Variants in TMEM273 observed in about 807,000 individuals in gnomAD.
TMEM273 encodes chromosome 10 open reading frame 128.
In TMEM273, 19 loss-of-function variants were observed where a neutral mutation model predicts 17.9. The observed-to-expected ratio is 1.06, with a 90% CI of 0.74 to 1.55. The LOEUF (loss-of-function observed/expected upper bound fraction) is 1.55. Among genes scored for constraint, TMEM273 ranks in the 40% most tolerant of loss-of-function variants. The pLI, the probability that TMEM273 is intolerant of heterozygous loss-of-function variation, is 0.00. For synonymous variants in TMEM273, 66 were observed against 62.0 expected (o/e 1.07, Z -0.31); for missense variants, 194 against 155.6 (o/e 1.25, Z -1.31).
At chr10:49,164,821 T>G (rs2132132496) in intron 5 of TMEM273, among the ~76,000 whole-genome samples, 1 of 151,636 alleles carries the variant, frequency 6.6e-6, no homozygotes, top group African/African-American at 2.4e-5. Flanking sequence ...ATGCTTAGCC[T>G]GCCATAGACC....
intron 1 of TMEM273, among the ~76,000 whole-genome samples, chr10:49,187,329 C>T (rs979924790): frequency 6.6e-6 from 1 of 152,206 alleles, no homozygotes; most frequent in Non-Finnish European, 1.5e-5. Flanking sequence ...CTTTGCTCTC[C>T]CCTGCTTAGT....
At chr10:49,164,866 C>T (rs1805220734) in intron 5 of TMEM273, among the ~76,000 whole-genome samples, 1 of 152,206 alleles carries the variant, frequency 6.6e-6, no homozygotes, top group Middle Eastern at 3.4e-3. Context: ...GCAGCCACCA[C>T]CTGGGACCTG....
chr10:49,169,761 C>T (rs938289456), intron 1 of TMEM273, among the ~76,000 whole-genome samples: 6 of 152,258 alleles, frequency 3.9e-5, no homozygotes, highest in African/African-American at 7.2e-5. Flanking sequence ...AACATCGTTC[C>T]GGACATGGGG....
At chr10:49,160,289 C>A (rs569949133) in intron 6 of TMEM273, 3 of 152,116 alleles carry the variant, frequency 2.0e-5, no homozygotes, top group Non-Finnish European at 4.4e-5. Flanking sequence ...ACCAAGCAAA[C>A]GAAGCATCAC....
At chr10:49,163,374 A>G (rs1453451671) in intron 5 of TMEM273, among the ~76,000 whole-genome samples, 1 of 151,914 alleles carries the variant, frequency 6.6e-6, no homozygotes, top group Non-Finnish European at 1.5e-5. Flanking sequence ...AAATATCCCC[A>G]ATTCGACCAC....
At chr10:49,186,069 G>C (rs1473514050) in intron 1 of TMEM273, among the ~76,000 whole-genome samples, 1 of 95,010 alleles carries the variant, frequency 1.1e-5, no homozygotes, top group African/African-American at 4.2e-5. Context: ...AGAAGAAGAG[G>C]AAGAAGAAGA....
At chr10:49,161,104 C>T (rs1663479467) in intron 6 of TMEM273, 1 of 158,406 alleles carries the variant, frequency 6.3e-6, no homozygotes, top group Admixed American at 6.1e-5. Flanking sequence ...TAGGCTCATT[C>T]AATCAGGGGT....
chr10:49,168,813 A>G (rs1009297590), intron 1 of TMEM273, among the ~76,000 whole-genome samples: 3 of 152,132 alleles, frequency 2.0e-5, no homozygotes, highest in Non-Finnish European at 2.9e-5. Flanking sequence ...GACAGGAGAT[A>G]CTGCTCACAA....
chr10:49,181,565 C>A (rs1241181247), intron 1 of TMEM273, among the ~76,000 whole-genome samples: 1 of 152,052 alleles, frequency 6.6e-6, no homozygotes, highest in African/African-American at 2.4e-5. Flanking sequence ...CCAAGTATGA[C>A]CAACTGATTT....
chr10:49,182,440 C>T (rs1045911291), intron 1 of TMEM273, among the ~76,000 whole-genome samples: 1 of 152,206 alleles, frequency 6.6e-6, no homozygotes, highest in African/African-American at 2.4e-5. Flanking sequence ...TCTTCAATAA[C>T]TCTGGCTCCT....
At chr10:49,168,076 G>C in intron 1 of TMEM273, 114 bp from the exon 2 acceptor site, 1 of 1,276,370 alleles carries the variant, frequency 7.8e-7, no homozygotes, top group Non-Finnish European at 1.1e-6. Context: ...GAGCACAGAG[G>C]TGGGCTCCCA....
intron 6 of TMEM273, chr10:49,156,127 C>A (rs1441786229): frequency 2.2e-5 from 34 of 1,536,554 alleles, no homozygotes; most frequent in Non-Finnish European, 2.8e-5. Flanking sequence ...TTTCTGCCTG[C>A]CAAACCCAAG....
chr10:49,169,274 G>T (rs1046540249), intron 1 of TMEM273, among the ~76,000 whole-genome samples: 3 of 152,232 alleles, frequency 2.0e-5, no homozygotes, highest in African/African-American at 7.2e-5. Context: ...AGGGAAACAA[G>T]TGACTTCACT....
intron 3 of TMEM273, among the ~76,000 whole-genome samples, chr10:49,166,096 A>G (rs1250448152): frequency 6.6e-6 from 1 of 152,166 alleles, no homozygotes; most frequent in East Asian, 1.9e-4. Flanking sequence ...CCTTCTGCTT[A>G]TCTTCACGGA....
At chr10:49,166,582 G>T (rs1846198949) in intron 3 of TMEM273, 1 of 414,078 alleles carries the variant, frequency 2.4e-6, no homozygotes, top group African/African-American at 2.0e-5. Context: ...AAGAGCAACT[G>T]AAAGGAAAAG....
intron 1 of TMEM273, among the ~76,000 whole-genome samples, chr10:49,182,000 A>G (rs1422076523): frequency 1.3e-5 from 2 of 152,210 alleles, no homozygotes; most frequent in East Asian, 3.8e-4. Context: ...TAAAAGAAAA[A>G]AGCAAGCAAT....
chr10:49,165,727 C>A, intron 4 of TMEM273, 39 bp downstream of exon 4: 1 of 1,612,836 alleles, frequency 6.2e-7, no homozygotes, highest in Non-Finnish European at 8.5e-7. Flanking sequence ...CAGGAGAGAA[C>A]ACGATACCTC....
At chr10:49,181,966 T>C (rs1485940926) in intron 1 of TMEM273, among the ~76,000 whole-genome samples, 5 of 152,202 alleles carry the variant, frequency 3.3e-5, no homozygotes, top group African/African-American at 4.8e-5. Context: ...CTAGAGTATA[T>C]AAAGAACTCT....
intron 5 of TMEM273, among the ~76,000 whole-genome samples, chr10:49,164,449 C>T (rs1456133913): frequency 6.6e-6 from 1 of 152,188 alleles, no homozygotes; most frequent in Non-Finnish European, 1.5e-5. Flanking sequence ...CAGCTGGGCC[C>T]TCCTCCATGC....
Sources: allele counts gnomAD v4.1 joint callset (sites outside exome capture counted in the v4.1 genomes callset), GRCh38; gene constraint gnomAD v4.1.1; transcripts MANE v1.5; gene names NCBI Gene and HGNC (gene_info 2026-07-23, HGNC 2026-07-21).